Variants in GMFG observed in about 807,000 individuals in gnomAD.
GMFG encodes glia maturation factor gamma.
In GMFG, 21 loss-of-function variants were observed where a neutral mutation model predicts 26.1. The ratio of observed to expected loss-of-function variants is 0.80; its 90% CI spans 0.57 to 1.16. GMFG has a LOEUF of 1.16. Ranked by LOEUF, GMFG falls within the 50% of genes most tolerant of loss-of-function variation. The pLI, the probability that GMFG is intolerant of heterozygous loss-of-function variation, is 0.00. For synonymous variants in GMFG, 65 were observed against 60.8 expected, an observed-to-expected ratio of 1.07 and a Z score of -0.32; for missense variants, 161 against 178.3, an observed-to-expected ratio of 0.90 and a Z score of 0.55.
chr19:39,329,489 C>A, intron 5 of GMFG, 55 bp downstream of exon 5: 2 of 897,994 alleles, frequency 2.2e-6, no homozygotes, highest in Non-Finnish European at 3.6e-6. Context: ...TACACACAAA[C>A]ACACACACAC....
At chr19:39,334,024 T>TC (rs1191322822) in intron 3 of GMFG, among the ~76,000 whole-genome samples, 1 of 105,282 alleles carries the variant, frequency 9.5e-6, no homozygotes, top group East Asian at 2.3e-4. Flanking sequence ...AGTCTTTTTT[T>TC]TTTTTTTTTT....
At chr19:39,333,400 C>T (rs1201048794) in intron 3 of GMFG, among the ~76,000 whole-genome samples, 1 of 151,630 alleles carries the variant, frequency 6.6e-6, no homozygotes, top group Non-Finnish European at 1.5e-5. Context: ...GAGCCGAGAT[C>T]GCGCCACTGC....
intron 4 of GMFG, among the ~76,000 whole-genome samples, chr19:39,331,003 G>A (rs564470671): frequency 6.0e-4 from 91 of 152,302 alleles, no homozygotes; most frequent in Admixed American, 5.8e-3. Flanking sequence ...CTCCCAAAGT[G>A]CTGAGATTAC....
At chr19:39,330,595 A>ATT (rs568367051) in intron 4 of GMFG, among the ~76,000 whole-genome samples, 49 of 131,440 alleles carry the variant, frequency 3.7e-4, no homozygotes, top group African/African-American at 1.2e-3. Context: ...TGCCCAGCTA[A>ATT]TTTTTTTTTT....
chr19:39,333,096 AC>A lies in GMFG; in HGVS notation c.180del (p.Glu60AspfsTer43). The A allele has an allele frequency of 3.7e-6, 6 of 1,600,998 alleles. No individual in the cohort carries two copies. Among genetic ancestry groups the A allele is most frequent in the Non-Finnish European group, 5.1e-6 (6 of 1,171,122 alleles). ...QNISPEELKM[E>X]LPERQPRFVV... ...GGATACCTGGGCTGTCTCTCCGGCA[AC>A]TCCATTTTGAGCTCCTCTGGGGAAA... On this transcript the variant is annotated frameshift_variant, in exon 4 of 7. Transcript: ENST00000597595. LOFTEE classifies it high-confidence loss of function.
intron 3 of GMFG, among the ~76,000 whole-genome samples, chr19:39,334,296 G>T (rs577642932): frequency 6.6e-6 from 1 of 151,838 alleles, no homozygotes; most frequent in Admixed American, 6.6e-5. Context: ...GATTACAGGC[G>T]TGAGCCACGG....
chr19:39,332,848 G>T, intron 4 of GMFG: 1 of 306,446 alleles, frequency 3.3e-6, no homozygotes, highest in Non-Finnish European at 6.3e-6. Context: ...TAGTAGAGAC[G>T]GGATTTCACC....
chr19:39,328,404 AG>A lies in GMFG; in HGVS notation c.*72del, dbSNP rs768387432. On this transcript the variant is annotated 3_prime_UTR_variant, in exon 7 of 7. Coordinates refer to ENST00000597595, the MANE Select transcript of GMFG (RefSeq NM_004877.4). ...AATTTATTTAAAGTCTTGGTTGTTCAGGTCCTAGGGGTTCCAAGTCCCCAGT... is the reference window on the plus strand; with the variant it reads ...AATTTATTTAAAGTCTTGGTTGTTCAGTCCTAGGGGTTCCAAGTCCCCAGT... The A allele has an allele frequency of 1.7e-5, 16 of 930,880 alleles. No homozygotes were observed. The highest frequency in any genetic ancestry group is 2.8e-5 in the Non-Finnish European group (16 of 564,262). The allele number at this position is 930,880 out of a possible 1,614,324, so 57.7% of individuals were successfully genotyped here.
chr19:39,335,179 A>G (rs2075243906), intron 3 of GMFG, 82 bp downstream of exon 3: 1 of 1,091,498 alleles, frequency 9.2e-7, no homozygotes, highest in South Asian at 1.6e-5. Flanking sequence ...CCCCCATGCC[A>G]GGCTCTTCAT....
In GMFG at chr19:39,328,440, G is replaced by A; in HGVS notation, c.*37C>T. ...GTTCCAAGTCCCCAGTCACCTTGAG[G>A]ACTCAGACATCAGGAATTCAGTCCC... On this transcript the variant is annotated 3_prime_UTR_variant, in exon 7 of 7. Coordinates refer to ENST00000597595, the MANE Select transcript of GMFG (RefSeq NM_004877.4). 1 of 1,374,044 alleles carries A rather than the reference G, an allele frequency of 7.3e-7. No homozygotes were observed. The highest frequency in any genetic ancestry group is 1.0e-6 in the Non-Finnish European group (1 of 961,030). The allele number at this position is 1,374,044 out of a possible 1,614,324, so 85.1% of individuals were successfully genotyped here.
intron 4 of GMFG, 153 bp downstream of exon 4, chr19:39,332,924 G>A (rs1035702843): frequency 1.2e-5 from 6 of 489,826 alleles, no homozygotes; most frequent in Non-Finnish European, 1.9e-5. Context: ...CTCCCAAAGT[G>A]CTGGGATTAC....
chr19:39,329,009 C>T lies in GMFG; in HGVS notation c.348G>A (p.Glu116=). 1 of 1,611,492 alleles carries T rather than the reference C, an allele frequency of 6.2e-7. No individual in the cohort carries two copies. The highest frequency in any genetic ancestry group is 1.1e-5 in the South Asian group (1 of 91,018). ...CCATCCCAGTCTGAACCTTTGTGAG[C>T]TCTGCTGTCTGCACCAGCCTGTTTT... is the stretch of plus-strand genomic sequence containing the variant. ...GSKNRLVQTA[E]LTKVFEIRTT... The change falls in exon 6 of 7, where the codon GAG becomes GAA. Residue 116 remains glutamate (E), a synonymous_variant. Transcript: ENST00000597595.
rs538621702 is a variant in GMFG at position 39,335,498 on chromosome 19, C to T, written c.37G>A (p.Glu13Lys). ...AATTTCCTCAGCTTTTCTGTTAGCT[C>T]TGGGTCTACCTCGCACACCACCAGG... ...DSLVVCEVDP[E>K]LTEKLRKFRF... The change falls in exon 2 of 7, where the codon GAG (glutamate) becomes AAG (lysine). Residue 13 changes from glutamate (E) to lysine (K), a missense_variant. Physicochemically the swap from Glu to Lys is moderately conservative, Grantham distance 56. Coordinates refer to ENST00000597595, the MANE Select transcript of GMFG (RefSeq NM_004877.4). 1.1e-4 allele frequency: 181 copies of T among 1,613,962 alleles called. 1 individual carries two copies. The South Asian group carries it at 1.9e-3, about 17-fold the overall frequency.
chr19:39,328,481 CGAAA>C lies in GMFG; in HGVS notation c.421_424del (p.Phe141ValfsTer8), dbSNP rs1241337487. ...ATTCAGTCCCCAGCCCAGAGATCAA[CGAAA>C]GAAAGACAACTTTTCTTGGAGCCAG... On this transcript the variant is annotated frameshift_variant, in exon 7 of 7. Transcript: ENST00000597595. LOFTEE classifies it high-confidence loss of function. The C allele has an allele frequency of 2.4e-5, 38 of 1,609,410 alleles. No homozygotes were observed. The highest frequency in any genetic ancestry group is 3.2e-5 in the Non-Finnish European group (38 of 1,175,938).
chr19:39,332,980 A>C (rs1029347471), intron 4 of GMFG, 97 bp downstream of exon 4: 11 of 791,664 alleles, frequency 1.4e-5, no homozygotes, highest in Non-Finnish European at 2.3e-5. Context: ...TTCAAAGTCC[A>C]TGAATAGGGC....
At chr19:39,328,846 C>G (rs1383973784) in intron 6 of GMFG, 154 bp downstream of exon 6, 1 of 668,502 alleles carries the variant, frequency 1.5e-6, no homozygotes, top group African/African-American at 1.8e-5. Context: ...CCACTGCACT[C>G]CAGCCTGGAT....
At chr19:39,335,357 G>A (rs375066591) in intron 2 of GMFG, 47 bp from the exon 3 acceptor site, 67 of 1,596,610 alleles carry the variant, frequency 4.2e-5, no homozygotes, top group East Asian at 2.7e-4. Flanking sequence ...CCTGATCCAT[G>A]GGGGACACAA....
rs201966850 is a variant in GMFG, at chr19:39,335,230, C to T, written c.150+31G>A. The T allele has an allele frequency of 5.9e-5, 90 of 1,514,512 alleles. No individual in the cohort carries two copies. The East Asian group carries it at 1.9e-3, about 32-fold the overall frequency. 93.8% of individuals were successfully genotyped at this position (1,514,512 alleles called of 1,614,324 possible). On this transcript the variant is annotated intron_variant, in intron 3 of 6. Transcript: ENST00000597595. ...TTGGTTCTCCCAGTCTCACCCTGTA[C>T]CTCCCAGTCCCAATCACCCCAGCCC...
intron 3 of GMFG, among the ~76,000 whole-genome samples, chr19:39,333,354 G>A (rs556248795): frequency 6.6e-6 from 1 of 152,274 alleles, no homozygotes; most frequent in East Asian, 1.9e-4. Context: ...GCTGAGGCAG[G>A]AGAATTGCTT....
Sources: gnomAD v4.1 joint callset for allele counts (sites outside exome capture counted in the v4.1 genomes callset) on GRCh38, gnomAD v4.1.1 for gene constraint, MANE v1.5 for transcripts, NCBI Gene and HGNC (gene_info 2026-07-23, HGNC 2026-07-21) for gene names.